CTNNA2: variants seen among roughly 807,000 people sequenced by gnomAD.
CTNNA2 encodes catenin alpha 2.
CTNNA2 carries 42 observed loss-of-function variants against 101.0 expected under a neutral mutation model. That is an observed-to-expected ratio of 0.42 (90% CI 0.32 to 0.54). The LOEUF is 0.54. Ranked by LOEUF, CTNNA2 falls within the 20% of genes least tolerant of loss-of-function variation. CTNNA2 has a pLI of 0.14. For synonymous variants in CTNNA2, 450 were observed against 456.4 expected (o/e 0.99, Z 0.18); for missense variants, 871 against 1,223.1 (o/e 0.71, Z 4.29).
intron 1 of CTNNA2, among the ~76,000 whole-genome samples, chr2:79,583,963 G>GT (rs1053787713): frequency 3.3e-5 from 5 of 152,168 alleles, no homozygotes; most frequent in Admixed American, 3.3e-4. Flanking sequence ...AAATACGCTT[G>GT]TAACACTTGG....
intron 6 of CTNNA2, among the ~76,000 whole-genome samples, chr2:79,875,219 G>T (rs191525453): frequency 4.8e-4 from 73 of 152,254 alleles, no homozygotes; most frequent in African/African-American, 1.1e-3. Context: ...GAGTGAGAAG[G>T]TTGCACGCAT....
chr2:79,248,310 A>G (rs1471383131), intron 2 of CTNNA2, among the ~76,000 whole-genome samples: 1 of 152,122 alleles, frequency 6.6e-6, no homozygotes, highest in Non-Finnish European at 1.5e-5. Flanking sequence ...CATCCATGTT[A>G]AAAACAAAAG....
intron 4 of CTNNA2, among the ~76,000 whole-genome samples, chr2:79,465,630 T>C (rs1040381772): frequency 6.6e-6 from 1 of 152,328 alleles, no homozygotes; most frequent in Non-Finnish European, 1.5e-5. Context: ...AATGTTCTTC[T>C]ATTTGTTTGT....
At chr2:79,812,829 C>G (rs551473435) in intron 3 of CTNNA2, among the ~76,000 whole-genome samples, 1 of 152,230 alleles carries the variant, frequency 6.6e-6, no homozygotes, top group South Asian at 2.1e-4. Context: ...GAGTTACCTT[C>G]TGATGGAAAG....
chr2:79,425,652 A>T (rs1340679508), intron 4 of CTNNA2, among the ~76,000 whole-genome samples: 1 of 152,108 alleles, frequency 6.6e-6, no homozygotes, highest in African/African-American at 2.4e-5. Context: ...CCACCTTTTA[A>T]TGCTGTCACA....
chr2:80,564,373 A>G (rs906614638), intron 12 of CTNNA2, among the ~76,000 whole-genome samples: 10 of 152,174 alleles, frequency 6.6e-5, no homozygotes, highest in Admixed American at 6.6e-4. Context: ...TATTTTTGAA[A>G]TGCTTATTTT....
At chr2:79,900,595 C>T (rs1171920310) in intron 6 of CTNNA2, among the ~76,000 whole-genome samples, 2 of 152,072 alleles carry the variant, frequency 1.3e-5, no homozygotes, top group Admixed American at 1.3e-4. Flanking sequence ...CATGGCTTTG[C>T]CCCCTCTTCG....
chr2:80,078,717 TTTTTG>T (rs1292834338), intron 7 of CTNNA2, among the ~76,000 whole-genome samples: 1 of 152,126 alleles, frequency 6.6e-6, no homozygotes, highest in Non-Finnish European at 1.5e-5. Flanking sequence ...TGGTGCTGCT[TTTTTG>T]TTTTGTTTTG....
chr2:79,466,668 C>T (rs934426630), intron 4 of CTNNA2, among the ~76,000 whole-genome samples: 1 of 152,208 alleles, frequency 6.6e-6, no homozygotes, highest in Non-Finnish European at 1.5e-5. Flanking sequence ...GAGTACCCCT[C>T]TGAGACGGAG....
At chr2:80,585,891 A>G (rs1695933077) in intron 14 of CTNNA2, among the ~76,000 whole-genome samples, 1 of 152,218 alleles carries the variant, frequency 6.6e-6, no homozygotes, top group African/African-American at 2.4e-5. Context: ...TGATAGCTAC[A>G]TAAGCAGAAG....
chr2:79,568,749 C>T (rs1045761599), intron 1 of CTNNA2, among the ~76,000 whole-genome samples: 12 of 143,030 alleles, frequency 8.4e-5, no homozygotes, highest in African/African-American at 3.1e-4. Context: ...GGGCCAGGCA[C>T]GGTGGCTCAC....
In CTNNA2 at chr2:79,922,119, C is replaced by T. The variant is rs980125726; in HGVS notation, c.1056+12322C>T. Among the ~76,000 whole-genome samples, 8 of 152,220 alleles carry T rather than the reference C, an allele frequency of 5.3e-5. 1 individual carries two copies. Among genetic ancestry groups the T allele is most frequent in the Middle Eastern group, 3.4e-3 (1 of 294 alleles). On this transcript the variant is annotated intron_variant, in intron 7 of 18. Transcript: ENST00000402739. Reference sequence around the variant, plus strand: ...ACAGGTATCATACATTTCCTTTTTCCGTTTTCTTAATCACATTTTCACAGT... The same window carrying T: ...ACAGGTATCATACATTTCCTTTTTCTGTTTTCTTAATCACATTTTCACAGT...
chr2:79,260,925 C>G (rs1014607930), intron 2 of CTNNA2, among the ~76,000 whole-genome samples: 1 of 152,226 alleles, frequency 6.6e-6, no homozygotes, highest in East Asian at 1.9e-4. Flanking sequence ...CATCCTCCCC[C>G]GCAATTCCTT....
At chr2:80,401,796 G>GA (rs59715103) in intron 8 of CTNNA2, among the ~76,000 whole-genome samples, 10,099 of 141,934 alleles carry the variant, frequency 0.071, 567 homozygotes, top group African/African-American at 0.15. Context: ...GTAAGAGACA[G>GA]AAAAAAAAAA....
intron 2 of CTNNA2, among the ~76,000 whole-genome samples, chr2:79,274,351 T>C (rs896561761): frequency 6.6e-6 from 1 of 152,066 alleles, no homozygotes; most frequent in African/African-American, 2.4e-5. Flanking sequence ...GTGGGGACTT[T>C]TAGTCTGAGA....
intron 9 of CTNNA2, among the ~76,000 whole-genome samples, chr2:80,481,476 T>A (rs1383471726): frequency 1.3e-5 from 2 of 152,090 alleles, no homozygotes; most frequent in Non-Finnish European, 2.9e-5. Flanking sequence ...ATGACAGGTA[T>A]TATTAGTATG....
chr2:79,434,288 ACT>A (rs1294081504), intron 4 of CTNNA2, among the ~76,000 whole-genome samples: 7 of 129,768 alleles, frequency 5.4e-5, no homozygotes, highest in African/African-American at 2.0e-4. Flanking sequence ...ACAGAGAGAG[ACT>A]CTGTCAAAAA....
chr2:79,962,433 G>A (rs1225388123), intron 7 of CTNNA2, among the ~76,000 whole-genome samples: 1 of 152,198 alleles, frequency 6.6e-6, no homozygotes. Flanking sequence ...TTTAACATAT[G>A]AATTTTGGAG....
At chr2:80,390,845 C>T (rs749746824) in intron 7 of CTNNA2, among the ~76,000 whole-genome samples, 1 of 151,984 alleles carries the variant, frequency 6.6e-6, no homozygotes, top group Non-Finnish European at 1.5e-5. Flanking sequence ...AAAAATATTA[C>T]ATTAGGTCGG....
Sources: allele counts gnomAD v4.1 joint callset (sites outside exome capture counted in the v4.1 genomes callset), GRCh38; gene constraint gnomAD v4.1.1; transcripts MANE v1.5; gene names NCBI Gene and HGNC (gene_info 2026-07-23, HGNC 2026-07-21).